Variants in WTAP observed in about 807,000 individuals in gnomAD.
WTAP encodes pre-mRNA-splicing regulator WTAP.
A neutral mutation model predicts 50.0 loss-of-function variants in WTAP; 8 were observed. The ratio of observed to expected loss-of-function variants is 0.16; its 90% CI spans 0.09 to 0.29. The LOEUF (loss-of-function observed/expected upper bound fraction) is 0.29. Ranked by LOEUF, WTAP falls within the 10% of genes least tolerant of loss-of-function variation. WTAP has a pLI of 1.00. For synonymous variants in WTAP, 194 were observed against 169.0 expected (o/e 1.15, Z -1.15); for missense variants, 295 against 470.7 (o/e 0.63, Z 3.45).
At position 159,755,294 on chromosome 6, in the gene WTAP, T is replaced by G. The variant is rs773939860; in HGVS notation, c.874T>G (p.Phe292Val). The change falls in exon 8 of 8, where the codon TTT (phenylalanine) becomes GTT (valine). Residue 292 changes from phenylalanine (F) to valine (V), a missense_variant. Transcript: ENST00000621533. ...SSRQRTSGSG[F>V]HREGNTTEDD... Reference sequence around the variant, plus strand: ...CCGCCAGAGGACGTCTGGGTCTGGATTTCACAGGGAGGGCAACACAACCGA... The same window carrying G: ...CCGCCAGAGGACGTCTGGGTCTGGAGTTCACAGGGAGGGCAACACAACCGA... 6 of 1,614,158 alleles carry G rather than the reference T, an allele frequency of 3.7e-6. No individual in the cohort carries two copies. Among genetic ancestry groups the G allele is most frequent in the Non-Finnish European group, 5.1e-6 (6 of 1,180,024 alleles).
At chr6:159,741,622 C>T (rs955698878) in intron 3 of WTAP, 1 of 153,614 alleles carries the variant, frequency 6.5e-6, no homozygotes, top group Non-Finnish European at 1.4e-5. Flanking sequence ...AAAAAACCTT[C>T]TCTATATATC....
intron 2 of WTAP, chr6:159,736,798 C>T (rs1457153529): frequency 6.5e-6 from 1 of 153,022 alleles, no homozygotes; most frequent in East Asian, 1.9e-4. Flanking sequence ...GTTGTGCATT[C>T]CTACCTTGAG....
chr6:159,727,409 G>T (rs968965869), upstream of WTAP: 19 of 659,698 alleles, frequency 2.9e-5, 1 homozygote, highest in African/African-American at 4.6e-4. Flanking sequence ...GGGAGGCAGT[G>T]GCGCTGGCCT....
intron 5 of WTAP, among the ~76,000 whole-genome samples, chr6:159,744,728 C>T (rs1435045399): frequency 2.6e-5 from 4 of 152,154 alleles, no homozygotes; most frequent in South Asian, 2.1e-4. Context: ...CTAACCCCCC[C>T]GCCCTTTTCT....
At chr6:159,753,265 AT>A (rs1779885413) in intron 6 of WTAP, 194 bp from the exon 7 acceptor site, 4 of 738,020 alleles carry the variant, frequency 5.4e-6, no homozygotes, top group Non-Finnish European at 8.5e-6. Flanking sequence ...TTTAGGGTTT[AT>A]TTTTACTGCT....
chr6:159,742,326 C>T (rs1264470925), intron 4 of WTAP, among the ~76,000 whole-genome samples, 180 bp downstream of exon 4: 2 of 152,150 alleles, frequency 1.3e-5, no homozygotes, highest in African/African-American at 4.8e-5. Context: ...CAGTCTCAGT[C>T]ATTGGAGAAG....
intron 5 of WTAP, among the ~76,000 whole-genome samples, chr6:159,746,953 A>C (rs1484288578): frequency 6.6e-6 from 1 of 152,222 alleles, no homozygotes; most frequent in East Asian, 1.9e-4. Flanking sequence ...CTGTCAGTAC[A>C]TGGAGTGCAC....
In WTAP at chr6:159,742,155, G is replaced by T; in HGVS notation, c.145+9G>T. On this transcript the variant is annotated intron_variant, in intron 4 of 7. Coordinates refer to ENST00000621533, the MANE Select transcript of WTAP (RefSeq NM_001270531.2). The stretch of plus-strand genomic sequence containing the variant: ...GTACACAGATCTTAACTGTAAGTTT[G>T]AGTTTTAGCTTCCTAAAGACTGAAT... The T allele has an allele frequency of 6.3e-7, 1 of 1,597,798 alleles. No homozygotes were observed. Among genetic ancestry groups the T allele is most frequent in the South Asian group, 1.1e-5 (1 of 87,978 alleles).
chr6:159,749,184 G>T, intron 6 of WTAP: 1 of 985,872 alleles, frequency 1.0e-6, no homozygotes, highest in Non-Finnish European at 1.2e-6. Context: ...ACTTCAGGTT[G>T]AAACTGTTTG....
chr6:159,754,895 A>G, intron 7 of WTAP, 133 bp from the exon 8 acceptor site: 2 of 992,820 alleles, frequency 2.0e-6, no homozygotes, highest in East Asian at 5.5e-5. Flanking sequence ...AAATTTTTAA[A>G]TGTAGTGTGA....
At chr6:159,736,543 A>G (rs1442951975) in intron 2 of WTAP, 3 of 356,580 alleles carry the variant, frequency 8.4e-6, no homozygotes, top group East Asian at 4.3e-5. Context: ...CCCATGGTCT[A>G]CTCTTAATGT....
At chr6:159,732,650 C>T (rs1778644416) in intron 1 of WTAP, among the ~76,000 whole-genome samples, 1 of 152,114 alleles carries the variant, frequency 6.6e-6, no homozygotes. Flanking sequence ...GCCTGGTCAA[C>T]ATGGTGAAAC....
At chr6:159,751,569 G>A (rs977688718) in intron 6 of WTAP, among the ~76,000 whole-genome samples, 1 of 152,146 alleles carries the variant, frequency 6.6e-6, no homozygotes, top group African/African-American at 2.4e-5. Context: ...GGGAAATGGT[G>A]GAAATCTGGA....
intron 5 of WTAP, among the ~76,000 whole-genome samples, chr6:159,746,726 GT>G (rs1249404668): frequency 1.3e-5 from 2 of 152,074 alleles, no homozygotes; most frequent in Non-Finnish European, 2.9e-5. Context: ...TGGTATTTCT[GT>G]TTTTCATTTA....
At chr6:159,749,343 A>G (rs1404342220) in intron 6 of WTAP, 5 of 985,732 alleles carry the variant, frequency 5.1e-6, no homozygotes, top group Non-Finnish European at 6.0e-6. Context: ...GTTGGTGTTA[A>G]TGGGGGAATG....
rs567683080 is a variant in WTAP at position 159,728,237 on chromosome 6, C to T, written c.-9+534C>T. Among the ~76,000 whole-genome samples, 4 of 152,304 alleles carry T rather than the reference C, an allele frequency of 2.6e-5. No homozygotes were observed. In the South Asian group the frequency reaches 8.3e-4, roughly 32 times the overall value. ...TTGCAGATTTTTGTGAAATCCAAGT[C>T]TTACCTTGGATCCCTGTGAGACAGT... On this transcript the variant is annotated intron_variant, in intron 1 of 7. Coordinates refer to ENST00000621533, the MANE Select transcript of WTAP (RefSeq NM_001270531.2).
intron 5 of WTAP, among the ~76,000 whole-genome samples, chr6:159,747,569 C>T (rs1779648160): frequency 6.6e-6 from 1 of 152,150 alleles, no homozygotes; most frequent in African/African-American, 2.4e-5. Context: ...GCTATAAGTA[C>T]TGTATATTTT....
At chr6:159,751,882 C>T (rs1191455001) in intron 6 of WTAP, among the ~76,000 whole-genome samples, 2 of 151,912 alleles carry the variant, frequency 1.3e-5, no homozygotes, top group Admixed American at 6.6e-5. Context: ...GGCAACAAGG[C>T]GAAACCCCAT....
At chr6:159,751,648 C>T (rs1320280371) in intron 6 of WTAP, among the ~76,000 whole-genome samples, 1 of 152,244 alleles carries the variant, frequency 6.6e-6, no homozygotes, top group Non-Finnish European at 1.5e-5. Flanking sequence ...GCCTTTACCA[C>T]ATGCTCACTG....
Sources: gnomAD v4.1 joint callset for allele counts (sites outside exome capture counted in the v4.1 genomes callset) on GRCh38, gnomAD v4.1.1 for gene constraint, MANE v1.5 for transcripts, NCBI Gene and HGNC (gene_info 2026-07-23, HGNC 2026-07-21) for gene names.